Variants in MMP26 observed in about 807,000 individuals in gnomAD.
The protein encoded by MMP26 is matrix metallopeptidase 26.
A neutral mutation model predicts 31.0 loss-of-function variants in MMP26; 33 were observed. The observed-to-expected ratio is 1.06, with a 90% confidence interval of 0.81 to 1.42. The LOEUF is 1.42. MMP26 is among the 40% of genes most tolerant of loss of function. The pLI is 0.00. For synonymous variants in MMP26, 122 were observed against 114.9 expected, an observed-to-expected ratio of 1.06 and a Z score of -0.40; for missense variants, 347 against 316.1, an observed-to-expected ratio of 1.10 and a Z score of -0.74.
intron 2 of MMP26, among the ~76,000 whole-genome samples, chr11:4,774,072 C>T (rs1181107345): frequency 6.6e-6 from 1 of 152,210 alleles, no homozygotes; most frequent in East Asian, 1.9e-4. Context: ...CATGTCCTTA[C>T]TATTGCGAAC....
chr11:4,880,368 G>T (rs1850442536), intron 2 of MMP26, among the ~76,000 whole-genome samples: 1 of 151,856 alleles, frequency 6.6e-6, no homozygotes, highest in African/African-American at 2.4e-5. Context: ...GGTAAGATAA[G>T]GAGAGGAAGA....
intron 2 of MMP26, chr11:4,832,905 T>C (rs534033169): frequency 1.0e-5 from 2 of 196,644 alleles, no homozygotes; most frequent in South Asian, 2.3e-4. Flanking sequence ...CATCATCACC[T>C]TGGCTACCAT....
chr11:4,844,795 CT>C (rs1849844966), intron 2 of MMP26, among the ~76,000 whole-genome samples: 1 of 152,096 alleles, frequency 6.6e-6, no homozygotes, highest in Admixed American at 6.5e-5. Flanking sequence ...AGACCCACAA[CT>C]AGTATCACAC....
intron 2 of MMP26, chr11:4,907,892 TCTCA>T: frequency 6.2e-7 from 1 of 1,614,044 alleles, no homozygotes; most frequent in Non-Finnish European, 8.5e-7. Flanking sequence ...GAATCTTCTT[TCTCA>T]CTCATACTGT....
At chr11:4,837,011 G>C (rs1431509672) in intron 2 of MMP26, among the ~76,000 whole-genome samples, 1 of 151,874 alleles carries the variant, frequency 6.6e-6, no homozygotes, top group Non-Finnish European at 1.5e-5. Flanking sequence ...ACTAAATTTA[G>C]GTTTGTTTAA....
At chr11:4,715,052 A>G (rs890818471) in intron 1 of MMP26, among the ~76,000 whole-genome samples, 9 of 152,124 alleles carry the variant, frequency 5.9e-5, no homozygotes, top group African/African-American at 2.2e-4. Context: ...TTAAATAGAC[A>G]AAATTGAATG....
At chr11:4,785,440 G>T (rs1460122941) in intron 2 of MMP26, among the ~76,000 whole-genome samples, 2 of 151,364 alleles carry the variant, frequency 1.3e-5, no homozygotes, top group East Asian at 1.9e-4. Context: ...TATACTTATT[G>T]TCCGAGACTC....
chr11:4,755,206 T>G (rs2133304568), intron 1 of MMP26, among the ~76,000 whole-genome samples: 1 of 139,898 alleles, frequency 7.1e-6, no homozygotes, highest in Middle Eastern at 3.5e-3. Flanking sequence ...TTTCCCAACT[T>G]TCTATTAAAT....
chr11:4,776,504 T>C (rs1251811428), intron 2 of MMP26, among the ~76,000 whole-genome samples: 2 of 152,132 alleles, frequency 1.3e-5, no homozygotes, highest in Admixed American at 1.3e-4. Context: ...CAAGATTATA[T>C]CTCATTGTGG....
intron 2 of MMP26, chr11:4,973,398 A>G (rs1025846397): frequency 6.6e-6 from 1 of 152,408 alleles, no homozygotes; most frequent in Admixed American, 6.6e-5. Flanking sequence ...TTTAGAGTGA[A>G]AGGAAATGGG....
chr11:4,960,270 G>A (rs530325179), intron 2 of MMP26, among the ~76,000 whole-genome samples: 3 of 151,986 alleles, frequency 2.0e-5, no homozygotes, highest in South Asian at 2.1e-4. Context: ...TTTTTGGATA[G>A]TACTTAACCA....
intron 2 of MMP26, among the ~76,000 whole-genome samples, chr11:4,893,267 TTTAA>T (rs1850654309): frequency 6.6e-6 from 1 of 152,174 alleles, no homozygotes; most frequent in South Asian, 2.1e-4. Context: ...TAAAACAATA[TTTAA>T]TTATAAAATC....
chr11:4,718,167 G>C (rs1337928691), intron 1 of MMP26, among the ~76,000 whole-genome samples: 1 of 152,104 alleles, frequency 6.6e-6, no homozygotes, highest in African/African-American at 2.4e-5. Context: ...AAAATAGCAG[G>C]AGATAAAGAG....
chr11:4,880,072 G>T (rs1010599240), intron 2 of MMP26, among the ~76,000 whole-genome samples: 29 of 152,106 alleles, frequency 1.9e-4, no homozygotes, highest in African/African-American at 7.0e-4. Flanking sequence ...GGGCCTGGGA[G>T]CAGGGTTTGG....
chr11:4,897,099 T>TAC (rs34497707), intron 2 of MMP26, among the ~76,000 whole-genome samples: 20,290 of 150,538 alleles, frequency 0.13, 2,074 homozygotes, highest in East Asian at 0.59. Flanking sequence ...AGTATATGTA[T>TAC]ACACACACAC....
At chr11:4,864,318 G>A (rs2196122) in intron 2 of MMP26, among the ~76,000 whole-genome samples, 2 of 152,064 alleles carry the variant, frequency 1.3e-5, no homozygotes, top group Admixed American at 6.6e-5. Flanking sequence ...AGGAACAGCT[G>A]GTTACTCGAG....
intron 2 of MMP26, among the ~76,000 whole-genome samples, chr11:4,782,236 A>G (rs1272656379): frequency 1.3e-5 from 2 of 152,180 alleles, no homozygotes; most frequent in African/African-American, 4.8e-5. Context: ...AATGGCTTTG[A>G]CAAAAATGCT....
intron 2 of MMP26, among the ~76,000 whole-genome samples, chr11:4,811,084 T>TTCTG (rs1849343617): frequency 6.6e-6 from 1 of 152,212 alleles, no homozygotes; most frequent in African/African-American, 2.4e-5. Flanking sequence ...AAGTACCATT[T>TTCTG]TCTGTTGTAG....
chr11:4,882,285 G>A, intron 2 of MMP26: 2 of 1,613,958 alleles, frequency 1.2e-6, no homozygotes, highest in African/African-American at 1.3e-5. Flanking sequence ...GTGGCTATCT[G>A]TAACCCACTG....
Sources: gnomAD v4.1 joint callset for allele counts (sites outside exome capture counted in the v4.1 genomes callset) on GRCh38, gnomAD v4.1.1 for gene constraint, MANE v1.5 for transcripts, NCBI Gene and HGNC (gene_info 2026-07-23, HGNC 2026-07-21) for gene names.